Variants in SPOCK1 observed in about 807,000 individuals in gnomAD.
SPOCK1 encodes testican-1.
In SPOCK1, 23 loss-of-function variants were observed where a neutral mutation model predicts 55.3. The ratio of observed to expected loss-of-function variants is 0.42; its 90% CI spans 0.30 to 0.59. The LOEUF is 0.59. Among genes scored for constraint, SPOCK1 ranks in the 20% least tolerant of loss-of-function variants. The pLI is 0.22. For synonymous variants in SPOCK1, 226 were observed against 221.0 expected (o/e 1.02, Z -0.20); for missense variants, 499 against 552.5 (o/e 0.90, Z 0.97).
intron 6 of SPOCK1, among the ~76,000 whole-genome samples, chr5:137,054,779 A>T (rs1752271765): frequency 6.6e-6 from 1 of 152,226 alleles, no homozygotes; most frequent in South Asian, 2.1e-4. Context: ...GCTCTAATTA[A>T]ATTTGTAACA....
At chr5:136,987,737 T>G (rs1013238029) in intron 8 of SPOCK1, among the ~76,000 whole-genome samples, 2 of 151,804 alleles carry the variant, frequency 1.3e-5, no homozygotes, top group African/African-American at 4.9e-5. Flanking sequence ...TTGTATGTTC[T>G]CCCGATGTGG....
intron 6 of SPOCK1, among the ~76,000 whole-genome samples, chr5:137,022,036 C>T (rs1181338630): frequency 2.0e-5 from 3 of 152,122 alleles, no homozygotes; most frequent in Non-Finnish European, 2.9e-5. Context: ...AGAGAGATGG[C>T]ATCTCTCTGT....
intron 3 of SPOCK1, among the ~76,000 whole-genome samples, chr5:137,169,530 C>T (rs1754708874): frequency 6.6e-6 from 1 of 152,106 alleles, no homozygotes; most frequent in Non-Finnish European, 1.5e-5. Context: ...CAGGCACACA[C>T]ACCCACTGGA....
chr5:137,280,219 TA>T (rs11322343), intron 2 of SPOCK1, among the ~76,000 whole-genome samples: 9,893 of 152,074 alleles, frequency 0.065, 555 homozygotes, highest in African/African-American at 0.15. Flanking sequence ...ATTTATATGA[TA>T]AAAAAAATAC....
chr5:137,247,207 G>C (rs1017996929), intron 3 of SPOCK1, among the ~76,000 whole-genome samples: 1 of 152,206 alleles, frequency 6.6e-6, no homozygotes, highest in African/African-American at 2.4e-5. Context: ...AAGGGCAGAG[G>C]AGGGCACTGT....
At chr5:137,443,840 C>T (rs149978520) in intron 2 of SPOCK1, among the ~76,000 whole-genome samples, 310 of 152,328 alleles carry the variant, frequency 2.0e-3, no homozygotes, top group African/African-American at 6.5e-3. Context: ...TCTCCCCTGC[C>T]TCCTGAATCA....
intron 2 of SPOCK1, among the ~76,000 whole-genome samples, chr5:137,275,166 T>C (rs1757036942): frequency 6.6e-6 from 1 of 152,240 alleles, no homozygotes; most frequent in Admixed American, 6.5e-5. Context: ...TTATAGCTTA[T>C]AGCACGTAAA....
intron 2 of SPOCK1, among the ~76,000 whole-genome samples, chr5:137,271,966 C>T (rs1756972901): frequency 6.6e-6 from 1 of 152,102 alleles, no homozygotes; most frequent in Non-Finnish European, 1.5e-5. Context: ...AAATGGGAGC[C>T]TCATTTGTCT....
intron 3 of SPOCK1, among the ~76,000 whole-genome samples, chr5:137,174,996 G>A (rs1198232454): frequency 1.3e-5 from 2 of 152,028 alleles, no homozygotes; most frequent in South Asian, 4.1e-4. Flanking sequence ...CCATGTACCC[G>A]ACCACCACAC....
intron 6 of SPOCK1, among the ~76,000 whole-genome samples, chr5:137,045,367 T>C (rs1752089888): frequency 1.8e-5 from 1 of 54,360 alleles, no homozygotes; most frequent in Non-Finnish European, 3.6e-5. Context: ...CTCATAGTGG[T>C]TTTGATTTGC....
intron 7 of SPOCK1, among the ~76,000 whole-genome samples, chr5:136,989,905 A>G (rs1268837386): frequency 6.6e-6 from 1 of 152,060 alleles, no homozygotes; most frequent in Non-Finnish European, 1.5e-5. Flanking sequence ...AGAATACAGC[A>G]AAATGTACCC....
At chr5:137,356,322 T>C (rs1298634452) in intron 2 of SPOCK1, among the ~76,000 whole-genome samples, 1 of 152,174 alleles carries the variant, frequency 6.6e-6, no homozygotes, top group East Asian at 1.9e-4. Flanking sequence ...GCATAAGAGA[T>C]CTTGGTATAA....
intron 6 of SPOCK1, among the ~76,000 whole-genome samples, chr5:137,059,600 G>C (rs1752359426): frequency 6.6e-6 from 1 of 152,112 alleles, no homozygotes; most frequent in African/African-American, 2.4e-5. Flanking sequence ...TTGACAAATG[G>C]GACCTCATTA....
At chr5:137,362,559 A>T (rs188298643) in intron 2 of SPOCK1, among the ~76,000 whole-genome samples, 1 of 151,814 alleles carries the variant, frequency 6.6e-6, no homozygotes, top group Admixed American at 6.6e-5. Flanking sequence ...CGATCTCCTG[A>T]CCTTGCAATC....
chr5:137,292,654 C>T (rs747155382), intron 2 of SPOCK1, among the ~76,000 whole-genome samples: 12 of 152,050 alleles, frequency 7.9e-5, no homozygotes, highest in African/African-American at 1.7e-4. Context: ...AATGCACTGA[C>T]GCATCTTTAA....
At chr5:137,178,291 G>A (rs887703618) in intron 3 of SPOCK1, among the ~76,000 whole-genome samples, 17 of 152,190 alleles carry the variant, frequency 1.1e-4, no homozygotes, top group African/African-American at 3.9e-4. Flanking sequence ...CTTGGCACAT[G>A]GTAAACACAT....
chr5:137,425,423 A>C (rs956401013), intron 2 of SPOCK1, among the ~76,000 whole-genome samples: 1 of 152,214 alleles, frequency 6.6e-6, no homozygotes, highest in Admixed American at 6.5e-5. Flanking sequence ...CCTCCAAAAA[A>C]GAATGACCTG....
At chr5:137,340,383 C>T (rs770414237) in intron 2 of SPOCK1, among the ~76,000 whole-genome samples, 4 of 152,232 alleles carry the variant, frequency 2.6e-5, no homozygotes, top group Non-Finnish European at 5.9e-5. Flanking sequence ...GTGCCACACT[C>T]TGAGGCTTCA....
chr5:137,341,106 C>A (rs1466419190), intron 2 of SPOCK1, among the ~76,000 whole-genome samples: 1 of 152,222 alleles, frequency 6.6e-6, no homozygotes, highest in Non-Finnish European at 1.5e-5. Flanking sequence ...TGTCTCTATT[C>A]ATGTACTCGC....
Sources: gnomAD v4.1 joint callset for allele counts (sites outside exome capture counted in the v4.1 genomes callset) on GRCh38, gnomAD v4.1.1 for gene constraint, MANE v1.5 for transcripts, NCBI Gene and HGNC (gene_info 2026-07-23, HGNC 2026-07-21) for gene names.